RTN1: variants seen among roughly 807,000 people sequenced by gnomAD.
RTN1 encodes the protein reticulon-1.
Under a neutral mutation model 65.5 loss-of-function variants are expected in RTN1, and 25 were observed. The ratio of observed to expected loss-of-function variants is 0.38; its 90% CI spans 0.28 to 0.53. The LOEUF (loss-of-function observed/expected upper bound fraction) is 0.53. Ranked by LOEUF, RTN1 falls within the 20% of genes least tolerant of loss-of-function variation. The probability of loss-of-function intolerance (pLI) is 0.79; values close to 1 mark genes in which losing one functional copy is unlikely to be tolerated. For synonymous variants in RTN1, 471 were observed against 447.6 expected (o/e 1.05, Z -0.66); for missense variants, 983 against 1,025.4 (o/e 0.96, Z 0.57).
intron 1 of RTN1, among the ~76,000 whole-genome samples, chr14:59,828,690 T>C (rs911695858): frequency 6.6e-5 from 10 of 152,200 alleles, no homozygotes; most frequent in African/African-American, 2.4e-4. Context: ...ATAAAACACC[T>C]GGCCACAGGG....
At chr14:59,656,395 A>G (rs750840145) in intron 3 of RTN1, among the ~76,000 whole-genome samples, 40 of 152,256 alleles carry the variant, frequency 2.6e-4, no homozygotes, top group Non-Finnish European at 5.4e-4. Context: ...GAAGAAAAAA[A>G]TTGGAATAAG....
chr14:59,860,932 T>C (rs1366147663), intron 1 of RTN1, among the ~76,000 whole-genome samples: 1 of 152,182 alleles, frequency 6.6e-6, no homozygotes, highest in Non-Finnish European at 1.5e-5. Context: ...CCACTGTATC[T>C]AGGAAGTAAC....
At chr14:59,781,730 C>T (rs1886159338) in intron 1 of RTN1, among the ~76,000 whole-genome samples, 1 of 152,122 alleles carries the variant, frequency 6.6e-6, no homozygotes, top group Non-Finnish European at 1.5e-5. Context: ...GTAACTACAA[C>T]TTAAAATTTA....
chr14:59,664,939 C>T (rs948883059), intron 3 of RTN1, among the ~76,000 whole-genome samples: 2 of 152,126 alleles, frequency 1.3e-5, no homozygotes, highest in African/African-American at 4.8e-5. Context: ...GGCTGTACAA[C>T]TTTATATTCC....
chr14:59,826,452 C>T (rs1382502029), intron 1 of RTN1, among the ~76,000 whole-genome samples: 6 of 152,146 alleles, frequency 3.9e-5, no homozygotes, highest in Non-Finnish European at 8.8e-5. Context: ...TCTATGTCAC[C>T]TCCATATTCA....
chr14:59,619,326 A>G (rs1882192806), intron 3 of RTN1, among the ~76,000 whole-genome samples: 1 of 152,212 alleles, frequency 6.6e-6, no homozygotes. Flanking sequence ...GATGACATCT[A>G]AGCAGGGCAT....
chr14:59,788,089 T>C (rs1000801786), intron 1 of RTN1, among the ~76,000 whole-genome samples: 13 of 152,332 alleles, frequency 8.5e-5, no homozygotes, highest in African/African-American at 2.2e-4. Context: ...TATTTCATTG[T>C]ATGAATGTAC....
chr14:59,809,197 G>A (rs1213981682), intron 1 of RTN1, among the ~76,000 whole-genome samples: 1 of 152,026 alleles, frequency 6.6e-6, no homozygotes, highest in African/African-American at 2.4e-5. Context: ...CAAATGAACT[G>A]ATAACAACTC....
intron 3 of RTN1, among the ~76,000 whole-genome samples, chr14:59,714,715 A>G (rs1018199186): frequency 1.3e-5 from 2 of 152,214 alleles, no homozygotes; most frequent in African/African-American, 4.8e-5. Flanking sequence ...CAGAAGAGCA[A>G]GTATCAATTT....
At chr14:59,630,635 A>T (rs879144913) in intron 3 of RTN1, 1 of 1,369,402 alleles carries the variant, frequency 7.3e-7, no homozygotes, top group Non-Finnish European at 9.4e-7. Flanking sequence ...AGGCTGCACC[A>T]GGCGGCGCGC....
At chr14:59,608,569 TAC>T (rs1391266140) in intron 3 of RTN1, among the ~76,000 whole-genome samples, 1 of 152,228 alleles carries the variant, frequency 6.6e-6, no homozygotes, top group Non-Finnish European at 1.5e-5. Flanking sequence ...TCTCTTTGGC[TAC>T]AGACTTACCT....
intron 1 of RTN1, among the ~76,000 whole-genome samples, chr14:59,838,882 C>T (rs968808148): frequency 6.6e-6 from 1 of 152,098 alleles, no homozygotes; most frequent in African/African-American, 2.4e-5. Context: ...TTCTGTCCTA[C>T]AAAATGTCCT....
intron 3 of RTN1, among the ~76,000 whole-genome samples, chr14:59,692,065 C>T (rs951904363): frequency 6.6e-6 from 1 of 151,940 alleles, no homozygotes; most frequent in African/African-American, 2.4e-5. Flanking sequence ...CAATATAGTA[C>T]TGGAAGTACT....
At chr14:59,712,081 G>C (rs1884432179) in intron 3 of RTN1, among the ~76,000 whole-genome samples, 1 of 152,172 alleles carries the variant, frequency 6.6e-6, no homozygotes, top group African/African-American at 2.4e-5. Context: ...AATAGCAATA[G>C]TTGAAAGCCA....
intron 3 of RTN1, among the ~76,000 whole-genome samples, chr14:59,709,792 G>A (rs1884376565): frequency 6.6e-6 from 1 of 152,164 alleles, no homozygotes; most frequent in Admixed American, 6.5e-5. Flanking sequence ...AGCATTTTAT[G>A]TAAGAGGGAT....
At chr14:59,787,114 T>C (rs948903318) in intron 1 of RTN1, among the ~76,000 whole-genome samples, 1 of 152,176 alleles carries the variant, frequency 6.6e-6, no homozygotes, top group Non-Finnish European at 1.5e-5. Context: ...TTTGAGTCAC[T>C]ATTTTGAACC....
chr14:59,758,252 C>T (rs1454432901), intron 1 of RTN1, among the ~76,000 whole-genome samples: 1 of 152,110 alleles, frequency 6.6e-6, no homozygotes, highest in Non-Finnish European at 1.5e-5. Context: ...CCAGCCTCAC[C>T]TCTTCTCACT....
chr14:59,847,306 T>A (rs1887428456), intron 1 of RTN1, among the ~76,000 whole-genome samples: 1 of 152,196 alleles, frequency 6.6e-6, no homozygotes. Context: ...TGAAAAATAG[T>A]CCCTATCTCT....
At position 59,749,580 on chromosome 14, in the gene RTN1, TAG is replaced by T. The variant is rs1160220608; in HGVS notation, c.242-3101_242-3100del. Reference sequence around the variant, plus strand: ...ATATCTATATATAGATATATATATATAGATATTTATATATATATCTATCTATA... The same window carrying T: ...ATATCTATATATAGATATATATATATATATTTATATATATATCTATCTATA... On this transcript the variant is annotated intron_variant, in intron 1 of 8. Transcript: ENST00000267484. Among the ~76,000 whole-genome samples the T allele has an allele frequency of 1.6e-3, 61 of 37,172 alleles. 16 individuals are homozygous for T. The highest frequency in any genetic ancestry group is 9.3e-3 in the African/African-American group (43 of 4,600). The allele number at this position is 37,172 out of a possible 152,430, so 24.4% of individuals were successfully genotyped here. A position where few individuals can be genotyped will look rare whatever the true frequency, so the allele number is the denominator to read the frequency against.
Sources: gnomAD v4.1 joint callset for allele counts (sites outside exome capture counted in the v4.1 genomes callset) on GRCh38, gnomAD v4.1.1 for gene constraint, MANE v1.5 for transcripts, NCBI Gene and HGNC (gene_info 2026-07-23, HGNC 2026-07-21) for gene names.